CAAP1: variants seen among roughly 807,000 people sequenced by gnomAD.
CAAP1 encodes caspase activity and apoptosis inhibitor 1.
A neutral mutation model predicts 34.0 loss-of-function variants in CAAP1; 20 were observed. The ratio of observed to expected loss-of-function variants is 0.59; its 90% CI spans 0.41 to 0.86. The LOEUF (loss-of-function observed/expected upper bound fraction) is 0.86, where lower values mean the gene tolerates loss of function less well. Among genes scored for constraint, CAAP1 ranks in the 40% least tolerant of loss-of-function variants. The pLI is 0.00. For synonymous variants in CAAP1, 213 were observed against 166.7 expected, an observed-to-expected ratio of 1.28 and a Z score of -2.14; for missense variants, 538 against 450.5, an observed-to-expected ratio of 1.19 and a Z score of -1.76.
intron 3 of CAAP1, 130 bp from the exon 4 acceptor site, chr9:26,885,015 T>G: frequency 1.5e-6 from 1 of 647,164 alleles, no homozygotes; most frequent in Non-Finnish European, 2.7e-6. Flanking sequence ...AAAACTTAAA[T>G]TTTTAATTGC....
chr9:26,856,030 G>T (rs553693579), intron 5 of CAAP1, among the ~76,000 whole-genome samples: 1 of 151,804 alleles, frequency 6.6e-6, no homozygotes, highest in Non-Finnish European at 1.5e-5. Flanking sequence ...CTGCAGCTTC[G>T]ACCTCCTTCC....
rs149224304 is a variant in CAAP1 at position 26,842,447 on chromosome 9, T to C, written c.940A>G (p.Asn314Asp). ...EILGLAESSP[N>D]EPKAATLAVP... ...GCCAGGGTGGCTGCTTTGGGTTCGT[T>C]TGGGCTAGACTCTGCCAGTCCTAGA... Residue 314 changes from asparagine (N) to aspartate (D), a missense_variant, in exon 6 of 6, where the codon AAC (asparagine) becomes GAC (aspartate). By Grantham distance (23) the Asn-to-Asp change is conservative (BLOSUM62 1). Transcript: ENST00000333916. The C allele has an allele frequency of 3.1e-6, 5 of 1,614,048 alleles. No individual in the cohort carries two copies. The African/African-American group carries it at 4.0e-5, about 13-fold the overall frequency.
intron 1 of CAAP1, among the ~76,000 whole-genome samples, chr9:26,889,005 C>G (rs2131344618): frequency 6.6e-6 from 1 of 152,330 alleles, no homozygotes; most frequent in South Asian, 2.1e-4. Context: ...CTATGTGCTA[C>G]AACATGGATG....
chr9:26,867,865 C>T lies in CAAP1; in HGVS notation c.666-6726G>A, dbSNP rs913019729. On this transcript the variant is annotated intron_variant, in intron 4 of 5. Transcript: ENST00000333916. ...GAATTTAAAATAAAAAAAGAGCAAA[C>T]ATCATTTTGAGAAAGAATCCATAGG... Among the ~76,000 whole-genome samples, 6 of 152,054 alleles carry T rather than the reference C, an allele frequency of 3.9e-5. No homozygotes were observed. In the East Asian group the frequency reaches 9.6e-4, roughly 24 times the overall value.
chr9:26,861,085 T>G lies in CAAP1; in HGVS notation c.720A>C (p.Glu240Asp), dbSNP rs763333218. The G allele has an allele frequency of 7.4e-6, 12 of 1,611,212 alleles. No individual in the cohort carries two copies. In the South Asian group the frequency reaches 1.2e-4, roughly 16 times the overall value. The change falls in exon 5 of 6, where the codon GAA (glutamate) becomes GAC (aspartate). Residue 240 changes from glutamate (E) to aspartate (D), a missense_variant. Glu to Asp is a conservative substitution (Grantham distance 45). Coordinates refer to ENST00000333916, the MANE Select transcript of CAAP1 (RefSeq NM_024828.4). ...TCATACCTTGTTTTAATTCCAAACC[T>G]TCAGGTTGCTTATTCTCTCTCACGG... is the stretch of plus-strand genomic sequence containing the variant. Reference protein sequence around the residue: ...ASSVRENKQPEGLELKQGKGE... With the variant: ...ASSVRENKQPDGLELKQGKGE...
intron 4 of CAAP1, among the ~76,000 whole-genome samples, chr9:26,879,944 G>A (rs755587960): frequency 1.3e-5 from 2 of 152,086 alleles, no homozygotes; most frequent in Non-Finnish European, 2.9e-5. Context: ...CCTTGTGATC[G>A]TGTGACTCAA....
intron 5 of CAAP1, among the ~76,000 whole-genome samples, chr9:26,846,415 C>CAAAAAAAAAAAAAAAAAA (rs761402354): frequency 4.9e-5 from 3 of 61,750 alleles, no homozygotes; most frequent in Admixed American, 2.1e-4. Context: ...GACTCTGTCT[C>CAAAAAAAAAAAAAAAAAA]AAAAAAAAAA....
chr9:26,882,312 A>T (rs1823610780), intron 4 of CAAP1, among the ~76,000 whole-genome samples: 1 of 152,162 alleles, frequency 6.6e-6, no homozygotes, highest in Non-Finnish European at 1.5e-5. Flanking sequence ...CTGGAGGCCT[A>T]GGAGGGAAAA....
At chr9:26,848,905 AT>A (rs913913213) in intron 5 of CAAP1, among the ~76,000 whole-genome samples, 1 of 152,084 alleles carries the variant, frequency 6.6e-6, no homozygotes. Flanking sequence ...AAACATATAA[AT>A]TTTTTTTGTT....
At chr9:26,844,055 A>G (rs995778371) in intron 5 of CAAP1, among the ~76,000 whole-genome samples, 1 of 152,166 alleles carries the variant, frequency 6.6e-6, no homozygotes, top group South Asian at 2.1e-4. Context: ...ACTTGAGACT[A>G]AAATAGATTT....
At chr9:26,865,990 A>G (rs12338511) in intron 4 of CAAP1, among the ~76,000 whole-genome samples, 3,377 of 152,028 alleles carry the variant, frequency 0.022, 128 homozygotes, top group African/African-American at 0.077. Flanking sequence ...GGGATTACAG[A>G]CACATACCAC....
chr9:26,867,315 C>T (rs1388311677), intron 4 of CAAP1, among the ~76,000 whole-genome samples: 1 of 152,174 alleles, frequency 6.6e-6, no homozygotes, highest in African/African-American at 2.4e-5. Flanking sequence ...ATGCTTCTAT[C>T]ATATAGTCTT....
At chr9:26,885,170 G>A (rs933150695) in intron 3 of CAAP1, among the ~76,000 whole-genome samples, 73 of 149,596 alleles carry the variant, frequency 4.9e-4, no homozygotes, top group Admixed American at 1.8e-3. Flanking sequence ...TCCACCTCCC[G>A]GGTTCTAGCA....
At chr9:26,879,585 G>A (rs543738980) in intron 4 of CAAP1, among the ~76,000 whole-genome samples, 16 of 152,316 alleles carry the variant, frequency 1.1e-4, no homozygotes, top group African/African-American at 3.8e-4. Flanking sequence ...ATTAACATTT[G>A]AGTCAGTGGA....
Position 26,842,547 on chromosome 9 carries a change from T to C in CAAP1, c.840A>G (p.Pro280=). 1 of 1,614,220 alleles carries C rather than the reference T, an allele frequency of 6.2e-7. No homozygotes were observed. Among genetic ancestry groups the C allele is most frequent in the Non-Finnish European group, 8.5e-7 (1 of 1,180,040 alleles). ...CAGCTTCACTTTGGACTGTATTTTC[T>C]GGTGCCTCGGGAGCAGCTGCTTCTT... ...CNEEAAAPEA[P]ENTVQSEAGQ... The change falls in exon 6 of 6, where the codon CCA becomes CCG. Residue 280 remains proline, a synonymous_variant. Transcript: ENST00000333916.
intron 5 of CAAP1, among the ~76,000 whole-genome samples, chr9:26,853,270 T>C (rs1363288727): frequency 1.3e-5 from 2 of 152,188 alleles, no homozygotes; most frequent in Non-Finnish European, 2.9e-5. Context: ...GTAACTGCTA[T>C]TTATTAAGAC....
rs767796125 is a variant in CAAP1, at chr9:26,892,470, G to C, written c.246C>G (p.Ser82Arg). 5.2e-5 allele frequency: 82 copies of C among 1,566,242 alleles called. 2 individuals are homozygous for C. In the South Asian group the frequency reaches 9.3e-4, roughly 18 times the overall value. ...CGGTACTCCTCCGCTTCCGGCGCTC[G>C]CTGCGCTCCACGCTGCTCCCGCCCC... ...SCWGGSSVERSERRKRRSTDS... is the reference protein window; with the variant it reads ...SCWGGSSVERRERRKRRSTDS... The change falls in exon 1 of 6, where the codon AGC becomes AGG. Residue 82 changes from serine to arginine, a missense_variant. Ser to Arg is a moderately radical substitution (Grantham distance 110). Transcript: ENST00000333916.
At chr9:26,867,538 T>A (rs1353682673) in intron 4 of CAAP1, among the ~76,000 whole-genome samples, 4 of 152,218 alleles carry the variant, frequency 2.6e-5, no homozygotes, top group African/African-American at 4.8e-5. Flanking sequence ...GGGGGGATTT[T>A]CTTTAGCCTA....
At chr9:26,867,534 ATT>A (rs1396051088) in intron 4 of CAAP1, among the ~76,000 whole-genome samples, 1 of 151,956 alleles carries the variant, frequency 6.6e-6, no homozygotes, top group Non-Finnish European at 1.5e-5. Context: ...ATGTGGGGGG[ATT>A]TTCTTTAGCC....
Sources: allele counts gnomAD v4.1 joint callset (sites outside exome capture counted in the v4.1 genomes callset), GRCh38; gene constraint gnomAD v4.1.1; transcripts MANE v1.5; gene names NCBI Gene and HGNC (gene_info 2026-07-23, HGNC 2026-07-21).